HARBI1: variants seen among roughly 807,000 people sequenced by gnomAD.
The protein encoded by HARBI1 is harbinger transposase derived 1.
HARBI1 carries 15 observed loss-of-function variants against 25.3 expected under a neutral mutation model. The observed-to-expected ratio is 0.59, with a 90% CI of 0.40 to 0.91. HARBI1 has a LOEUF of 0.91. Ranked by LOEUF, HARBI1 falls within the 40% of genes least tolerant of loss-of-function variation. The probability of loss-of-function intolerance (pLI) is 0.00; values close to 1 mark genes in which losing one functional copy is unlikely to be tolerated. For synonymous variants in HARBI1, 168 were observed against 160.5 expected (o/e 1.05, Z -0.35); for missense variants, 396 against 445.8 (o/e 0.89, Z 1.01).
chr11:46,610,575 C>T (rs1200959194), intron 2 of HARBI1, among the ~76,000 whole-genome samples: 3 of 151,814 alleles, frequency 2.0e-5, no homozygotes, highest in Non-Finnish European at 4.4e-5. Context: ...CAGGAGAGTG[C>T]TGTGAACCCG....
At chr11:46,612,576 T>C (rs2045223792) in intron 2 of HARBI1, among the ~76,000 whole-genome samples, 1 of 152,086 alleles carries the variant, frequency 6.6e-6, no homozygotes, top group African/African-American at 2.4e-5. Context: ...GGCAGATCTG[T>C]GAAGTGAGTT....
At chr11:46,614,381 A>T (rs934231952) in intron 2 of HARBI1, among the ~76,000 whole-genome samples, 2 of 151,940 alleles carry the variant, frequency 1.3e-5, no homozygotes, top group African/African-American at 4.8e-5. Flanking sequence ...CCAAGATCGC[A>T]CCATTGCACT....
At chr11:46,611,003 T>TC (rs2045158689) in intron 2 of HARBI1, among the ~76,000 whole-genome samples, 2 of 141,304 alleles carry the variant, frequency 1.4e-5, no homozygotes, top group East Asian at 4.0e-4. Context: ...ATTATTTAAC[T>TC]CTTTTTTTTT....
chr11:46,612,920 C>T (rs1013510597), intron 2 of HARBI1, among the ~76,000 whole-genome samples: 3 of 149,686 alleles, frequency 2.0e-5, no homozygotes, highest in African/African-American at 7.4e-5. Flanking sequence ...GATCCGCTTG[C>T]CTTGGCCTCC....
chr11:46,604,303 G>T (rs192013594), intron 2 of HARBI1: 1 of 911,512 alleles, frequency 1.1e-6, no homozygotes, highest in South Asian at 5.1e-5. Flanking sequence ...ACTGAGGCCC[G>T]GAGTTCAAGA....
upstream of HARBI1, chr11:46,617,744 T>G (rs888988348): frequency 1.0e-5 from 4 of 398,498 alleles, no homozygotes; most frequent in African/African-American, 8.2e-5. Context: ...AGGACCCTTC[T>G]GAAGCCTTAG....
chr11:46,608,263 A>C (rs1329482866), intron 2 of HARBI1, among the ~76,000 whole-genome samples: 1 of 152,152 alleles, frequency 6.6e-6, no homozygotes, highest in Non-Finnish European at 1.5e-5. Flanking sequence ...GCCCCATTGC[A>C]CCACAGCCTG....
chr11:46,607,440 G>A (rs761481431), intron 2 of HARBI1, among the ~76,000 whole-genome samples: 1 of 152,048 alleles, frequency 6.6e-6, no homozygotes, highest in Non-Finnish European at 1.5e-5. Context: ...ACTAAAACAA[G>A]AGCATAATAA....
chr11:46,604,732 TG>T lies in HARBI1; in HGVS notation c.671-824del, dbSNP rs568698355. The T allele has an allele frequency of 3.8e-3, 3,737 of 984,102 alleles. 9 individuals carry two copies. Among genetic ancestry groups the T allele is most frequent in the Middle Eastern group, 4.7e-3 (9 of 1,910 alleles). 61.0% of individuals were successfully genotyped at this position (984,102 alleles called of 1,614,324 possible). A position where few individuals can be genotyped will look rare whatever the true frequency, so the allele number is the denominator to read the frequency against. ...GGCAGAGATCAGAACTCAGGTGTTC[TG>T]CCTTCCTATATATCACAATTACTAG... is the stretch of plus-strand genomic sequence containing the variant. On this transcript the variant is annotated intron_variant, in intron 2 of 2. Coordinates refer to ENST00000326737, the MANE Select transcript of HARBI1 (RefSeq NM_173811.4).
At chr11:46,616,436 T>A in intron 1 of HARBI1, 55 bp from the exon 2 acceptor site, 1 of 1,396,042 alleles carries the variant, frequency 7.2e-7, no homozygotes, top group South Asian at 1.7e-5. Flanking sequence ...TTAAAGTGAC[T>A]CAAAGGCTGG....
chr11:46,606,861 T>G (rs1328097279), intron 2 of HARBI1, among the ~76,000 whole-genome samples: 2 of 152,176 alleles, frequency 1.3e-5, no homozygotes, highest in Non-Finnish European at 2.9e-5. Context: ...AGGCTGACCC[T>G]GAACTCCTGG....
chr11:46,606,311 C>T (rs1416371420), intron 2 of HARBI1, among the ~76,000 whole-genome samples: 1 of 151,530 alleles, frequency 6.6e-6, no homozygotes, highest in Admixed American at 6.6e-5. Context: ...ATGTACTGTG[C>T]TGGTACTTTT....
chr11:46,608,574 A>G lies in HARBI1; in HGVS notation c.671-4665T>C, dbSNP rs2045047247. On this transcript the variant is annotated intron_variant, in intron 2 of 2. Coordinates refer to ENST00000326737, the MANE Select transcript of HARBI1 (RefSeq NM_173811.4). ...ATCCTCCCAGGTCAGCCTCCTGAGTAAGCTGGGACTACAGGCACACGCCAC... is the reference window on the plus strand; with the variant it reads ...ATCCTCCCAGGTCAGCCTCCTGAGTGAGCTGGGACTACAGGCACACGCCAC... Among the ~76,000 whole-genome samples, 3 of 152,004 alleles carry G rather than the reference A, an allele frequency of 2.0e-5. No individual in the cohort carries two copies. The South Asian group carries it at 6.2e-4, about 32-fold the overall frequency.
chr11:46,608,529 T>C (rs776119684), intron 2 of HARBI1, among the ~76,000 whole-genome samples: 1 of 151,974 alleles, frequency 6.6e-6, no homozygotes, highest in Non-Finnish European at 1.5e-5. Context: ...ACTGCAGCCT[T>C]GAACTCCTAG....
rs1555022313 is a variant in HARBI1 at position 46,603,852 on chromosome 11, G to A, written c.728C>T (p.Thr243Ile). Residue 243 changes from threonine to isoleucine, a missense_variant, in exon 3 of 3, where the codon ACT becomes ATT. Coordinates refer to ENST00000326737, the MANE Select transcript of HARBI1 (RefSeq NM_173811.4). ...WLMTPLHIPE[T>I]PAEYRYNMAH... is the part of the protein sequence containing the mutation. ...CATGTTATAGCGATATTCTGCTGGA[G>A]TTTCAGGAATGTGAAGTGGGGTCAT... The A allele has an allele frequency of 1.2e-6, 2 of 1,614,082 alleles. No homozygotes were observed. The highest frequency in any genetic ancestry group is 1.7e-6 in the Non-Finnish European group (2 of 1,179,982).
intron 2 of HARBI1, among the ~76,000 whole-genome samples, chr11:46,608,953 C>T (rs973784910): frequency 2.1e-5 from 3 of 144,942 alleles, no homozygotes; most frequent in South Asian, 2.2e-4. Context: ...GGCAAAGTCT[C>T]GCTCTTGTCC....
At chr11:46,605,327 C>T (rs1272011095) in intron 2 of HARBI1, among the ~76,000 whole-genome samples, 1 of 151,912 alleles carries the variant, frequency 6.6e-6, no homozygotes, top group African/African-American at 2.4e-5. Context: ...CTCAGCCTCC[C>T]GAATATCTGG....
chr11:46,616,936 G>C, intron 1 of HARBI1, 188 bp downstream of exon 1: 1 of 973,180 alleles, frequency 1.0e-6, no homozygotes, highest in South Asian at 4.8e-5. Context: ...CTCACTCCAA[G>C]AACTCCAAAT....
At chr11:46,617,498 G>A, upstream of HARBI1, 1 of 289,222 alleles carries the variant, frequency 3.5e-6, no homozygotes, top group Non-Finnish European at 6.3e-6. Flanking sequence ...GCGAAAGTGC[G>A]ACTAAGGTTA....
Sources: allele counts gnomAD v4.1 joint callset (sites outside exome capture counted in the v4.1 genomes callset), GRCh38; gene constraint gnomAD v4.1.1; transcripts MANE v1.5; gene names NCBI Gene and HGNC (gene_info 2026-07-23, HGNC 2026-07-21).